Variants in AOPEP observed in about 807,000 individuals in gnomAD.
AOPEP encodes aminopeptidase O.
Under a neutral mutation model 98.1 loss-of-function variants are expected in AOPEP, and 77 were observed. That is an observed-to-expected ratio of 0.78 (90% CI 0.65 to 0.95). The LOEUF (loss-of-function observed/expected upper bound fraction) is 0.95. AOPEP is among the 40% of genes least tolerant of loss of function. The pLI, the probability that AOPEP is intolerant of heterozygous loss-of-function variation, is 0.00. For synonymous variants in AOPEP, 346 were observed against 365.3 expected (o/e 0.95, Z 0.60); for missense variants, 1,024 against 1,024.7 (o/e 1.00, Z 0.01).
chr9:95,055,009 AT>A (rs746877373), intron 13 of AOPEP, among the ~76,000 whole-genome samples: 2 of 152,244 alleles, frequency 1.3e-5, no homozygotes, highest in Non-Finnish European at 2.9e-5. Context: ...ATTCTTTAAA[AT>A]ATGTTAAGTT....
At chr9:95,078,969 C>T (rs992460148) in intron 14 of AOPEP, among the ~76,000 whole-genome samples, 3 of 152,234 alleles carry the variant, frequency 2.0e-5, no homozygotes, top group Non-Finnish European at 2.9e-5. Flanking sequence ...TATAGTGTGT[C>T]GTTAATTTCT....
chr9:95,032,841 G>A (rs773864108), intron 13 of AOPEP, among the ~76,000 whole-genome samples: 3 of 152,182 alleles, frequency 2.0e-5, no homozygotes, highest in South Asian at 2.1e-4. Context: ...GTTACAGGAC[G>A]TGCAGCCCTG....
chr9:94,994,776 A>T (rs946554241), intron 11 of AOPEP, among the ~76,000 whole-genome samples: 7 of 152,114 alleles, frequency 4.6e-5, no homozygotes, highest in Non-Finnish European at 1.0e-4. Context: ...ACATGGTGAA[A>T]CCTCGTCTCT....
chr9:94,965,988 G>A (rs1402386841), intron 9 of AOPEP, among the ~76,000 whole-genome samples: 3 of 147,018 alleles, frequency 2.0e-5, no homozygotes, highest in South Asian at 2.2e-4. Context: ...GGGAGGCTTC[G>A]GTCTGCAGTT....
chr9:94,953,756 T>C (rs1340249520), intron 7 of AOPEP, among the ~76,000 whole-genome samples: 1 of 152,144 alleles, frequency 6.6e-6, no homozygotes, highest in African/African-American at 2.4e-5. Context: ...CTCTCGTGGT[T>C]CCTTGCCTTC....
At chr9:94,811,715 C>T (rs1190035051) in intron 5 of AOPEP, among the ~76,000 whole-genome samples, 2 of 152,178 alleles carry the variant, frequency 1.3e-5, no homozygotes, top group African/African-American at 4.8e-5. Context: ...TGCCCAGGCC[C>T]CTGTGCCTGT....
chr9:95,144,876 T>G, the AOPEP span, among the ~76,000 whole-genome samples: 4 of 152,174 alleles, frequency 2.6e-5, no homozygotes, highest in African/African-American at 7.2e-5. Context: ...ACAACGCCCT[T>G]TACTCAGTAT....
the AOPEP span, among the ~76,000 whole-genome samples, chr9:95,134,965 T>G: frequency 6.6e-6 from 1 of 152,392 alleles, no homozygotes; most frequent in African/African-American, 2.4e-5. Flanking sequence ...TTTCCTCTAG[T>G]GAAGAGCTAC....
chr9:95,040,880 A>G (rs1018781027), intron 13 of AOPEP, among the ~76,000 whole-genome samples: 1 of 150,942 alleles, frequency 6.6e-6, no homozygotes, highest in African/African-American at 2.4e-5. Context: ...AGATGAGCTG[A>G]AAACATTCCT....
the AOPEP span, among the ~76,000 whole-genome samples, chr9:95,115,084 G>A: frequency 6.6e-6 from 1 of 152,162 alleles, no homozygotes; most frequent in African/African-American, 2.4e-5. Flanking sequence ...GGGACTACAG[G>A]GGTGCACCAC....
rs547197080 is a variant in AOPEP at position 94,872,288 on chromosome 9, T to TTTGG, written c.1365-51687_1365-51684dup. Among the ~76,000 whole-genome samples the TTTGG allele has an allele frequency of 8.9e-3, 1,362 of 152,266 alleles. 13 individuals are homozygous for TTTGG. Among genetic ancestry groups the TTTGG allele is most frequent in the Non-Finnish European group, 0.011 (775 of 68,024 alleles). ...AGTCATTCTTCAGTCGTGTTTTTCT[T>TTTGG]TTGGTTGGTTGGTTTTTAAAGGTCA... On this transcript the variant is annotated intron_variant, in intron 5 of 16. Transcript: ENST00000375315.
At chr9:95,089,852 C>T (rs1014852598), downstream of AOPEP, among the ~76,000 whole-genome samples, 8 of 152,214 alleles carry the variant, frequency 5.3e-5, no homozygotes, top group African/African-American at 1.9e-4. Context: ...CTCCCCCCAC[C>T]CTGCAACAGG....
At chr9:94,978,576 G>C (rs1318609134) in intron 10 of AOPEP, among the ~76,000 whole-genome samples, 4 of 152,152 alleles carry the variant, frequency 2.6e-5, no homozygotes, top group Non-Finnish European at 4.4e-5. Flanking sequence ...TTCAGTCTGG[G>C]AGGAGGTCAA....
intron 4 of AOPEP, among the ~76,000 whole-genome samples, chr9:94,794,561 G>A (rs2133538830): frequency 6.6e-6 from 1 of 152,278 alleles, no homozygotes; most frequent in Admixed American, 6.5e-5. Flanking sequence ...ATTATTGCCT[G>A]CATTTTTCCT....
At chr9:94,912,470 T>C in intron 5 of AOPEP, among the ~76,000 whole-genome samples, 1 of 152,192 alleles carries the variant, frequency 6.6e-6, no homozygotes, top group East Asian at 1.9e-4. Flanking sequence ...TTGAGTGCGT[T>C]ATCTCTTCCT....
chr9:94,797,643 C>T (rs1395067769), intron 4 of AOPEP, among the ~76,000 whole-genome samples: 1 of 151,490 alleles, frequency 6.6e-6, no homozygotes, highest in Non-Finnish European at 1.5e-5. Context: ...TGATTGTATA[C>T]AGCCTAAACC....
chr9:94,803,595 C>T (rs971659475), intron 5 of AOPEP, among the ~76,000 whole-genome samples: 48 of 152,126 alleles, frequency 3.2e-4, no homozygotes, highest in Non-Finnish European at 5.6e-4. Context: ...ATGATAATGA[C>T]AAATCAGTTT....
At chr9:95,144,870 C>A in the AOPEP span, among the ~76,000 whole-genome samples, 1 of 152,172 alleles carries the variant, frequency 6.6e-6, no homozygotes, top group Non-Finnish European at 1.5e-5. Context: ...ACGTTCACAA[C>A]GCCCTTTACT....
chr9:95,092,630 C>T, the AOPEP span, among the ~76,000 whole-genome samples: 52 of 152,306 alleles, frequency 3.4e-4, no homozygotes, highest in East Asian at 8.7e-3. Flanking sequence ...GGAATCTGTC[C>T]GCCACTTTAA....
Sources: allele counts gnomAD v4.1 joint callset (sites outside exome capture counted in the v4.1 genomes callset), GRCh38; gene constraint gnomAD v4.1.1; transcripts MANE v1.5; gene names NCBI Gene and HGNC (gene_info 2026-07-23, HGNC 2026-07-21).